SLC4A5: variants seen among roughly 807,000 people sequenced by gnomAD.
SLC4A5 encodes the protein solute carrier family 4 member 5.
SLC4A5 carries 96 observed loss-of-function variants against 120.4 expected under a neutral mutation model. That is an observed-to-expected ratio of 0.80 (90% CI 0.68 to 0.94). SLC4A5 has a LOEUF of 0.94. Ranked by LOEUF, SLC4A5 falls within the 40% of genes least tolerant of loss-of-function variation. The pLI is 0.00. For missense variants in SLC4A5, 1,259 were observed against 1,459.5 expected, an observed-to-expected ratio of 0.86 and a Z score of 2.24; for synonymous variants, 550 against 571.1, an observed-to-expected ratio of 0.96 and a Z score of 0.53.
At chr2:74,299,467 C>T (rs1281120811) in intron 7 of SLC4A5, among the ~76,000 whole-genome samples, 9 of 152,164 alleles carry the variant, frequency 5.9e-5, no homozygotes, top group East Asian at 1.9e-4. Flanking sequence ...CACCTTCTGC[C>T]GTGATTGTGA....
chr2:74,314,508 T>C (rs1318129720), intron 6 of SLC4A5, among the ~76,000 whole-genome samples: 4 of 152,176 alleles, frequency 2.6e-5, no homozygotes, highest in Non-Finnish European at 5.9e-5. Flanking sequence ...CATGGCTTCT[T>C]CTCTGTAGTG....
chr2:74,239,605 C>T (rs1043958273), intron 20 of SLC4A5, 70 bp from the exon 21 acceptor site: 2 of 1,501,556 alleles, frequency 1.3e-6, no homozygotes, highest in African/African-American at 1.4e-5. Context: ...CTTCCCACTG[C>T]AGTCCCCAGG....
chr2:74,227,026 C>A (rs759351683), exon 27 of SLC4A5: 2 of 1,614,200 alleles, frequency 1.2e-6, no homozygotes, highest in Non-Finnish European at 8.5e-7. Context: ...AGAGGATCTG[C>A]ACCAGGGTGA....
intron 2 of SLC4A5, chr2:74,339,436 A>G (rs1024505924): frequency 3.3e-5 from 5 of 152,254 alleles, no homozygotes; most frequent in Non-Finnish European, 5.9e-5. Context: ...TTTTTAAAAA[A>G]GAAATATTGT....
At chr2:74,298,392 C>G (rs1435513249) in intron 7 of SLC4A5, among the ~76,000 whole-genome samples, 1 of 152,096 alleles carries the variant, frequency 6.6e-6, no homozygotes, top group Non-Finnish European at 1.5e-5. Flanking sequence ...AAATTGGACC[C>G]CATCTTATGC....
intron 5 of SLC4A5, among the ~76,000 whole-genome samples, chr2:74,324,170 T>C (rs1673159282): frequency 6.6e-6 from 1 of 152,238 alleles, no homozygotes; most frequent in African/African-American, 2.4e-5. Flanking sequence ...GTGAATCATG[T>C]TTAAAATACT....
At chr2:74,269,553 G>A (rs1199521950) in intron 8 of SLC4A5, among the ~76,000 whole-genome samples, 1 of 152,086 alleles carries the variant, frequency 6.6e-6, no homozygotes, top group African/African-American at 2.4e-5. Flanking sequence ...TTTTAGTTGA[G>A]AGGATGCTCA....
chr2:74,304,605 G>A, exon 7 of SLC4A5: 1 of 1,614,212 alleles, frequency 6.2e-7, no homozygotes, highest in Non-Finnish European at 8.5e-7. Context: ...TTGCAGGCCT[G>A]AAAGATGTCC....
At chr2:74,315,150 G>T in intron 5 of SLC4A5, 125 bp from the exon 6 acceptor site, 2 of 832,846 alleles carry the variant, frequency 2.4e-6, no homozygotes, top group Non-Finnish European at 4.0e-6. Flanking sequence ...TAAGACAAAA[G>T]GACATATAAC....
intron 21 of SLC4A5, among the ~76,000 whole-genome samples, chr2:74,237,641 AGTTAAG>A (rs1423942240): frequency 2.0e-5 from 3 of 152,332 alleles, no homozygotes; most frequent in Non-Finnish European, 4.4e-5. Context: ...TGTAATACTT[AGTTAAG>A]ATGGCTTTAG....
intron 16 of SLC4A5, chr2:74,250,749 G>A (rs1670765266): frequency 2.0e-6 from 1 of 509,964 alleles, no homozygotes; most frequent in East Asian, 3.4e-5. Flanking sequence ...TTTTGGAGAG[G>A]GAAAGTCTGA....
chr2:74,233,274 G>T, intron 23 of SLC4A5, 128 bp downstream of exon 23: 1 of 1,098,882 alleles, frequency 9.1e-7, no homozygotes, highest in Non-Finnish European at 1.3e-6. Context: ...CACCAAGTGG[G>T]AACTCTAGTC....
rs374679448 is a variant in SLC4A5, at chr2:74,232,621, C to G, written c.2622G>C (p.Leu874=). 159 of 1,613,844 alleles carry G rather than the reference C, an allele frequency of 9.9e-5. 1 individual carries two copies. The South Asian group carries it at 1.6e-3, about 16-fold the overall frequency. Residue 874 remains leucine, a synonymous_variant, in exon 24 of 31, where the codon CTG becomes CTC. Transcript: ENST00000394019. ...AAGCCATGAGGATGCCCACCCAGAACAGGTCCAGATGGTAGCCGGCAGCCT... is the reference window on the plus strand; with the variant it reads ...AAGCCATGAGGATGCCCACCCAGAAGAGGTCCAGATGGTAGCCGGCAGCCT...
chr2:74,325,117 G>A (rs75601906), intron 5 of SLC4A5, among the ~76,000 whole-genome samples: 2,011 of 152,174 alleles, frequency 0.013, 47 homozygotes, highest in African/African-American at 0.046. Flanking sequence ...AATCACAAGT[G>A]CCTGACTAAT....
exon 11 of SLC4A5, chr2:74,262,173 G>C: frequency 6.2e-7 from 1 of 1,613,890 alleles, no homozygotes; most frequent in Non-Finnish European, 8.5e-7. Flanking sequence ...CGCATCCGCA[G>C]GTCTTCCGTG....
At chr2:74,252,411 G>A in intron 15 of SLC4A5, 23 bp from the exon 16 acceptor site, 1 of 1,603,060 alleles carries the variant, frequency 6.2e-7, no homozygotes, top group African/African-American at 1.3e-5. Flanking sequence ...GGGGATGAAG[G>A]AGAGTGGGTC....
At chr2:74,337,289 T>G (rs1011615827) in intron 3 of SLC4A5, among the ~76,000 whole-genome samples, 1 of 152,084 alleles carries the variant, frequency 6.6e-6, no homozygotes, top group African/African-American at 2.4e-5. Flanking sequence ...GAGAGAGACT[T>G]TGACCTCCAC....
At chr2:74,241,260 AT>A (rs1232446482) in intron 20 of SLC4A5, among the ~76,000 whole-genome samples, 1 of 148,318 alleles carries the variant, frequency 6.7e-6, no homozygotes, top group Non-Finnish European at 1.5e-5. Context: ...TATTATTATT[AT>A]TATTATTATT....
rs142518359 is a variant in SLC4A5, at chr2:74,325,560, T to C, written c.-3+2560A>G. On this transcript the variant is annotated intron_variant, in intron 5 of 30. Transcript: ENST00000394019. The stretch of plus-strand genomic sequence containing the variant: ...GATTAGCTCTGCTCTGACTGGCAAC[T>C]ATACTGCCCACCATAAAAGTCCCAG... 7.4e-4 allele frequency among the ~76,000 whole-genome samples: 112 copies of C among 152,322 alleles called. 1 individual carries two copies. In the East Asian group the frequency reaches 0.017, roughly 23 times the overall value.
Sources: allele counts gnomAD v4.1 joint callset (sites outside exome capture counted in the v4.1 genomes callset), GRCh38; gene constraint gnomAD v4.1.1; transcripts MANE v1.5; gene names NCBI Gene and HGNC (gene_info 2026-07-23, HGNC 2026-07-21).